The following UNC5D variants were observed in gnomAD, a reference collection of about 807,000 sequenced individuals.
UNC5D encodes the protein unc-5 netrin receptor D, also known as netrin receptor UNC5D.
UNC5D carries 39 observed loss-of-function variants against 105.4 expected under a neutral mutation model. The ratio of observed to expected loss-of-function variants is 0.37; its 90% CI spans 0.29 to 0.48. UNC5D has a LOEUF of 0.48. UNC5D is among the 20% of genes least tolerant of loss of function. The pLI is 0.98. For synonymous variants in UNC5D, 452 were observed against 450.4 expected (o/e 1.00, Z -0.04); for missense variants, 991 against 1,202.4 (o/e 0.82, Z 2.60).
At chr8:35,685,775 A>C (rs1825965736) in intron 6 of UNC5D, among the ~76,000 whole-genome samples, 1 of 152,206 alleles carries the variant, frequency 6.6e-6, no homozygotes, top group South Asian at 2.1e-4. Context: ...CAGATCCAAG[A>C]CAAGGACTCA....
intron 1 of UNC5D, among the ~76,000 whole-genome samples, chr8:35,362,633 G>C (rs1228513204): frequency 2.0e-5 from 3 of 152,134 alleles, no homozygotes; most frequent in African/African-American, 7.2e-5. Context: ...TGCAAAAACA[G>C]AATTCCTGTA....
intron 14 of UNC5D, among the ~76,000 whole-genome samples, chr8:35,765,884 T>C (rs367601846): frequency 6.6e-6 from 1 of 152,090 alleles, no homozygotes; most frequent in Non-Finnish European, 1.5e-5. Context: ...AGCAAACTAA[T>C]AAGGTGAGAA....
intron 1 of UNC5D, among the ~76,000 whole-genome samples, chr8:35,293,388 T>C (rs2128863775): frequency 6.6e-6 from 1 of 152,320 alleles, no homozygotes; most frequent in Admixed American, 6.5e-5. Flanking sequence ...TCAAAAGCAG[T>C]CCTGAATAAT....
At chr8:35,289,835 A>G (rs1335294025) in intron 1 of UNC5D, among the ~76,000 whole-genome samples, 1 of 152,156 alleles carries the variant, frequency 6.6e-6, no homozygotes, top group Admixed American at 6.6e-5. Context: ...CCACAATAAA[A>G]GAGCCAGGCA....
chr8:35,559,069 C>T (rs990617747), intron 2 of UNC5D, among the ~76,000 whole-genome samples: 2 of 152,086 alleles, frequency 1.3e-5, no homozygotes, highest in Non-Finnish European at 2.9e-5. Context: ...CCCAGCATTA[C>T]TCATGAAGTT....
chr8:35,404,131 GA>G (rs985102509), intron 1 of UNC5D, among the ~76,000 whole-genome samples: 7 of 152,120 alleles, frequency 4.6e-5, no homozygotes, highest in Admixed American at 4.6e-4. Flanking sequence ...CTCTTATATT[GA>G]AAACAAAGAC....
chr8:35,429,809 C>A (rs1468792171), intron 1 of UNC5D, among the ~76,000 whole-genome samples: 1 of 152,070 alleles, frequency 6.6e-6, no homozygotes, highest in Non-Finnish European at 1.5e-5. Context: ...CCATGACGAC[C>A]AATGATCTTT....
At chr8:35,333,731 C>G (rs1258190286) in intron 1 of UNC5D, among the ~76,000 whole-genome samples, 1 of 152,180 alleles carries the variant, frequency 6.6e-6, no homozygotes, top group Non-Finnish European at 1.5e-5. Context: ...CCACTAGCCT[C>G]TGCCTCCCAA....
chr8:35,595,472 G>A, intron 3 of UNC5D, 82 bp from the exon 4 acceptor site: 2 of 1,165,696 alleles, frequency 1.7e-6, no homozygotes, highest in Non-Finnish European at 2.6e-6. Flanking sequence ...GTGATATTAA[G>A]CTCACTTTTT....
At position 35,726,536 on chromosome 8, in the gene UNC5D, GGTAA is replaced by G. The variant is rs776872990; in HGVS notation, c.1681+10_1681+13del. The stretch of plus-strand genomic sequence containing the variant: ...TTAGTAATGCCAAATACAGGTGGGT[GGTAA>G]GTGTGTGTTTGTGTATTTTCCATCA... On this transcript the variant is annotated splice_region_variant and intron_variant, in intron 10 of 16. Coordinates refer to ENST00000404895, the MANE Select transcript of UNC5D (RefSeq NM_080872.4). The G allele has an allele frequency of 1.2e-6, 2 of 1,609,368 alleles. No homozygotes were observed. The highest frequency in any genetic ancestry group is 1.7e-6 in the Non-Finnish European group (2 of 1,179,474).
chr8:35,548,383 G>A (rs1299370491), intron 1 of UNC5D, among the ~76,000 whole-genome samples: 1 of 152,124 alleles, frequency 6.6e-6, no homozygotes, highest in Admixed American at 6.5e-5. Flanking sequence ...ATGGCCTTTC[G>A]AGGGTACAAG....
At chr8:35,487,566 T>TACACACACACACACACACACAC (rs3048025) in intron 1 of UNC5D, among the ~76,000 whole-genome samples, 1 of 112,984 alleles carries the variant, frequency 8.9e-6, no homozygotes, top group Admixed American at 1.1e-4. Flanking sequence ...TCTCTCTCTG[T>TACACACACACACACACACACAC]ACACACACAC....
At chr8:35,780,640 G>T (rs77785114) in intron 16 of UNC5D, among the ~76,000 whole-genome samples, 1,829 of 152,326 alleles carry the variant, frequency 0.012, 36 homozygotes, top group African/African-American at 0.042. Flanking sequence ...AGCTTCACAG[G>T]CAGACCACTA....
chr8:35,313,260 ACTTTT>A (rs1809033928), intron 1 of UNC5D, among the ~76,000 whole-genome samples: 1 of 152,228 alleles, frequency 6.6e-6, no homozygotes, highest in African/African-American at 2.4e-5. Flanking sequence ...TTCATGGAAA[ACTTTT>A]CTTTAGTCAT....
rs1329036370 is a variant in UNC5D at position 35,790,812 on chromosome 8, T to C, written c.*249T>C. On this transcript the variant is annotated 3_prime_UTR_variant, in exon 17 of 17. Coordinates refer to ENST00000404895, the MANE Select transcript of UNC5D (RefSeq NM_080872.4). Reference sequence around the variant, plus strand: ...TCCACATTTGGGTTAACTCCTCAGATTTGGAGTGGCAAGGATAAAAGTGAG... The same window carrying C: ...TCCACATTTGGGTTAACTCCTCAGACTTGGAGTGGCAAGGATAAAAGTGAG... 5.4e-5 allele frequency: 29 copies of C among 535,158 alleles called. No homozygotes were observed. 33.2% of individuals were successfully genotyped at this position (535,158 alleles called of 1,614,324 possible).
Position 35,235,869 on chromosome 8 carries a change from G to A in UNC5D, c.85G>A (p.Gly29Arg). 1 of 1,229,584 alleles carries A rather than the reference G, an allele frequency of 8.1e-7. No homozygotes were observed. The highest frequency in any genetic ancestry group is 3.2e-5 in the East Asian group (1 of 31,472). 76.2% of individuals were successfully genotyped at this position (1,229,584 alleles called of 1,614,324 possible). A position where few individuals can be genotyped will look rare whatever the true frequency, so the allele number is the denominator to read the frequency against. The change falls in exon 1 of 17, where the codon GGG becomes AGG. Residue 29 changes from glycine (G) to arginine (R), a missense_variant. Gly to Arg is a moderately radical substitution (Grantham distance 125). This residue lies in a region of UNC5D where 944 missense variants were observed against 1,131.6 expected (regional missense o/e 0.83). Transcript: ENST00000404895. The stretch of plus-strand genomic sequence containing the variant: ...GCTGGGGCTGTGCTTCTGGGCGGCA[G>A]GGACCGCGGCTGCCCGAGGTAAGCG... ...PWLGLCFWAA[G>R]TAAARGTDNG...
At chr8:35,700,932 A>T (rs1049935508) in intron 7 of UNC5D, among the ~76,000 whole-genome samples, 1 of 152,238 alleles carries the variant, frequency 6.6e-6, no homozygotes, top group Non-Finnish European at 1.5e-5. Flanking sequence ...AGACTTCAGA[A>T]TCAACTCCTA....
intron 1 of UNC5D, among the ~76,000 whole-genome samples, chr8:35,369,710 T>G (rs1217701105): frequency 6.6e-6 from 1 of 152,192 alleles, no homozygotes; most frequent in Non-Finnish European, 1.5e-5. Flanking sequence ...GGCTGTGGAA[T>G]GATCTATAGA....
rs1442035488 is a variant in UNC5D at position 35,390,610 on chromosome 8, T to C, written c.103+154723T>C. 5.3e-5 allele frequency among the ~76,000 whole-genome samples: 8 copies of C among 152,318 alleles called. No homozygotes were observed. In the East Asian group the frequency reaches 1.5e-3, roughly 29 times the overall value. ...AAGTAAAATTGATCTTTGTGTTAAG[T>C]AAACACAACCAAAAGAAATACTTTT... On this transcript the variant is annotated intron_variant, in intron 1 of 16. Coordinates refer to ENST00000404895, the MANE Select transcript of UNC5D (RefSeq NM_080872.4).
Sources: gnomAD v4.1 joint callset for allele counts (sites outside exome capture counted in the v4.1 genomes callset) on GRCh38, gnomAD v4.1.1 for gene constraint, gnomAD v4.1.1 regional missense constraint, MANE v1.5 for transcripts, NCBI Gene and HGNC (gene_info 2026-07-23, HGNC 2026-07-21) for gene names.